CACNA1E: variants seen among roughly 807,000 people sequenced by gnomAD.
CACNA1E encodes calcium voltage-gated channel subunit alpha1 E, also known as voltage-dependent R-type calcium channel subunit alpha-1E.
CACNA1E carries 40 observed loss-of-function variants against 259.2 expected under a neutral mutation model. That is an observed-to-expected ratio of 0.15 (90% CI 0.12 to 0.20). CACNA1E has a LOEUF of 0.20. Ranked by LOEUF, CACNA1E falls within the 10% of genes least tolerant of loss-of-function variation. The pLI is 1.00. For missense variants in CACNA1E, 1,874 were observed against 3,040.1 expected, an observed-to-expected ratio of 0.62 and a Z score of 9.02; for synonymous variants, 1,104 against 1,138.5, an observed-to-expected ratio of 0.97 and a Z score of 0.61.
At chr1:181,489,236 CAGAGAG>C (rs913326556) in intron 1 of CACNA1E, among the ~76,000 whole-genome samples, 2 of 151,448 alleles carry the variant, frequency 1.3e-5, no homozygotes, top group Non-Finnish European at 3.0e-5. Context: ...TCCATTTATT[CAGAGAG>C]AGAGAGAGAC....
intron 34 of CACNA1E, among the ~76,000 whole-genome samples, chr1:181,765,567 G>T (rs1658947408): frequency 6.6e-6 from 1 of 152,138 alleles, no homozygotes; most frequent in Non-Finnish European, 1.5e-5. Context: ...GTCTCATAGG[G>T]CTCTTCATTT....
At chr1:181,334,695 C>A (rs1291375745) in intron 1 of CACNA1E, among the ~76,000 whole-genome samples, 1 of 152,328 alleles carries the variant, frequency 6.6e-6, no homozygotes, top group South Asian at 2.1e-4. Context: ...CTGCTACCAG[C>A]CTGGTTCAAG....
intron 25 of CACNA1E, among the ~76,000 whole-genome samples, chr1:181,749,334 T>G (rs149742398): frequency 2.3e-3 from 350 of 152,330 alleles, no homozygotes; most frequent in Non-Finnish European, 4.4e-3. Flanking sequence ...CTAAACTCAC[T>G]CAGTGAATGA....
intron 1 of CACNA1E, among the ~76,000 whole-genome samples, chr1:181,385,843 C>T (rs1655805336): frequency 7.0e-6 from 1 of 143,236 alleles, no homozygotes; most frequent in African/African-American, 2.5e-5. Flanking sequence ...TTCCTTTCCT[C>T]CTCTCTTTAC....
intron 2 of CACNA1E, among the ~76,000 whole-genome samples, chr1:181,416,999 T>G (rs1658320990): frequency 6.6e-6 from 1 of 152,026 alleles, no homozygotes; most frequent in African/African-American, 2.4e-5. Context: ...TGACTTTGCC[T>G]TCTTGCTTCC....
rs567313821 is a variant in CACNA1E at position 181,718,016 on chromosome 1, C to A, written c.1526-39C>A. On this transcript the variant is annotated intron_variant, in intron 11 of 47. Transcript: ENST00000367573. Reference sequence around the variant, plus strand: ...TAGCTGAGAAGTGCATGAGCCCACCCCACATGTGGAACCAATGCTCTACTT... The same window carrying A: ...TAGCTGAGAAGTGCATGAGCCCACCACACATGTGGAACCAATGCTCTACTT... 5.9e-6 allele frequency: 6 copies of A among 1,011,594 alleles called. No homozygotes were observed. The South Asian group carries it at 6.7e-5, about 11-fold the overall frequency. 62.7% of individuals were successfully genotyped at this position (1,011,594 alleles called of 1,614,324 possible).
chr1:181,351,904 G>A (rs1653072801), intron 1 of CACNA1E, among the ~76,000 whole-genome samples: 2 of 152,210 alleles, frequency 1.3e-5, no homozygotes, highest in African/African-American at 4.8e-5. Flanking sequence ...TCTGGAGACT[G>A]GAATGCGAGC....
chr1:181,687,236 G>A (rs1212069815), intron 7 of CACNA1E, among the ~76,000 whole-genome samples: 1 of 152,122 alleles, frequency 6.6e-6, no homozygotes, highest in African/African-American at 2.4e-5. Flanking sequence ...CCCACCAAAA[G>A]TCTTCTATTG....
At chr1:181,684,303 G>A (rs904125395) in intron 7 of CACNA1E, among the ~76,000 whole-genome samples, 2 of 152,068 alleles carry the variant, frequency 1.3e-5, no homozygotes, top group Non-Finnish European at 2.9e-5. Context: ...GCTTGTTCAT[G>A]TCTTTTGTCC....
chr1:181,728,912 A>C lies in CACNA1E; in HGVS notation c.2241-2263A>C, dbSNP rs12047057. Among the ~76,000 whole-genome samples, 4 of 94,996 alleles carry C rather than the reference A, an allele frequency of 4.2e-5. No homozygotes were observed. In the East Asian group the frequency reaches 1.4e-3, roughly 33 times the overall value. The allele number at this position is 94,996 out of a possible 152,430, so 62.3% of individuals were successfully genotyped here. A position where few individuals can be genotyped will look rare whatever the true frequency, so the allele number is the denominator to read the frequency against. On this transcript the variant is annotated intron_variant, in intron 18 of 47. Coordinates refer to ENST00000367573, the MANE Select transcript of CACNA1E (RefSeq NM_001205293.3). ...CCCTGCTCAGCTGTGTGTGCCCTGC[A>C]CAGATGTGTGAACATTGCTCAGGTG... is the stretch of plus-strand genomic sequence containing the variant.
intron 6 of CACNA1E, among the ~76,000 whole-genome samples, chr1:181,649,653 C>G (rs1005013258): frequency 2.6e-5 from 4 of 152,138 alleles, no homozygotes; most frequent in Non-Finnish European, 5.9e-5. Flanking sequence ...TACATATACA[C>G]CATGGAATAC....
At chr1:181,336,277 T>G (rs1651702376) in intron 1 of CACNA1E, among the ~76,000 whole-genome samples, 1 of 152,246 alleles carries the variant, frequency 6.6e-6, no homozygotes, top group African/African-American at 2.4e-5. Context: ...GTTCAATAAC[T>G]GTTAATAATA....
At chr1:181,668,809 T>C (rs1572543638) in intron 7 of CACNA1E, 1 of 152,142 alleles carries the variant, frequency 6.6e-6, no homozygotes, top group African/African-American at 2.4e-5. Flanking sequence ...GCAGGAGGAT[T>C]GCTTGAGCCC....
chr1:181,750,573 C>G, intron 26 of CACNA1E, 86 bp downstream of exon 26: 1 of 1,248,534 alleles, frequency 8.0e-7, no homozygotes. Flanking sequence ...GGGAGGGGCT[C>G]ACGCACTGAG....
At chr1:181,768,001 C>T (rs1040172000) in intron 35 of CACNA1E, among the ~76,000 whole-genome samples, 3 of 152,238 alleles carry the variant, frequency 2.0e-5, no homozygotes, top group South Asian at 2.1e-4. Flanking sequence ...ATTTGATGCT[C>T]GTATACAATG....
chr1:181,400,959 C>T (rs35411026), intron 1 of CACNA1E, among the ~76,000 whole-genome samples: 36,217 of 152,070 alleles, frequency 0.24, 5,269 homozygotes, highest in Admixed American at 0.34. Flanking sequence ...CTGCTTAAAA[C>T]CCTCCAAAGG....
At chr1:181,500,365 G>A (rs1665137825) in intron 1 of CACNA1E, among the ~76,000 whole-genome samples, 1 of 152,184 alleles carries the variant, frequency 6.6e-6, no homozygotes, top group Non-Finnish European at 1.5e-5. Flanking sequence ...CTCTCTGTAT[G>A]TCTCTTCTAG....
intron 6 of CACNA1E, among the ~76,000 whole-genome samples, chr1:181,594,092 T>C (rs1652928389): frequency 6.6e-6 from 1 of 152,200 alleles, no homozygotes; most frequent in Non-Finnish European, 1.5e-5. Flanking sequence ...ATTTTTGTCT[T>C]TGTTTTGTGA....
chr1:181,516,083 C>T (rs952174798), intron 3 of CACNA1E, among the ~76,000 whole-genome samples: 1 of 152,130 alleles, frequency 6.6e-6, no homozygotes, highest in African/African-American at 2.4e-5. Flanking sequence ...AAGCTGGGAG[C>T]TCAATTTCTA....
Sources: gnomAD v4.1 joint callset for allele counts (sites outside exome capture counted in the v4.1 genomes callset) on GRCh38, gnomAD v4.1.1 for gene constraint, MANE v1.5 for transcripts, NCBI Gene and HGNC (gene_info 2026-07-23, HGNC 2026-07-21) for gene names.